ZDHHC13: variants seen among roughly 807,000 people sequenced by gnomAD.
ZDHHC13 encodes the protein zDHHC palmitoyltransferase 13.
A neutral mutation model predicts 86.0 loss-of-function variants in ZDHHC13; 85 were observed. That is an observed-to-expected ratio of 0.99 (90% CI 0.83 to 1.18). ZDHHC13 has a LOEUF of 1.18. Ranked by LOEUF, ZDHHC13 falls within the 50% of genes most tolerant of loss-of-function variation. The pLI, the probability that ZDHHC13 is intolerant of heterozygous loss-of-function variation, is 0.00. For missense variants in ZDHHC13, 711 were observed against 730.2 expected (o/e 0.97, Z 0.30); for synonymous variants, 263 against 246.4 (o/e 1.07, Z -0.63).
chr11:19,118,031 G>C (rs1404073171), intron 1 of ZDHHC13: 1 of 152,214 alleles, frequency 6.6e-6, no homozygotes. Context: ...TATTGTAGAC[G>C]TTCACTTAAT....
chr11:19,170,656 C>T (rs1850197664), intron 15 of ZDHHC13, 88 bp downstream of exon 15: 1 of 1,285,878 alleles, frequency 7.8e-7, no homozygotes, highest in African/African-American at 1.5e-5. Flanking sequence ...AGAAGATGCA[C>T]ATTCTGTTTT....
At chr11:19,175,454 T>C (rs1850338933) in intron 16 of ZDHHC13, among the ~76,000 whole-genome samples, 1 of 149,254 alleles carries the variant, frequency 6.7e-6, no homozygotes, top group Non-Finnish European at 1.5e-5. Context: ...ATTACAGTTG[T>C]TCTGGCCTAT....
In ZDHHC13 at chr11:19,143,045, A is replaced by G. The variant is rs748136141; in HGVS notation, c.95A>G (p.Asn32Ser). The part of the protein sequence containing the change: ...FGRYGICAHE[N>S]KELANAREAL... Reference sequence around the variant, plus strand: ...CGATATGGCATCTGTGCACATGAAAACAAAGAACTTGCCAATGCAAGAGAA... The same window carrying G: ...CGATATGGCATCTGTGCACATGAAAGCAAAGAACTTGCCAATGCAAGAGAA... Residue 32 changes from asparagine to serine, a missense_variant, in exon 2 of 17, where the codon AAC becomes AGC. By Grantham distance (46) the Asn-to-Ser change is conservative. Transcript: ENST00000446113. The G allele has an allele frequency of 1.2e-6, 2 of 1,613,058 alleles. No homozygotes were observed. Among genetic ancestry groups the G allele is most frequent in the Non-Finnish European group, 8.5e-7 (1 of 1,179,488 alleles).
chr11:19,151,378 T>G (rs772237827), intron 6 of ZDHHC13, among the ~76,000 whole-genome samples: 2 of 152,054 alleles, frequency 1.3e-5, no homozygotes, highest in African/African-American at 2.4e-5. Context: ...AGTTCTCACT[T>G]TAGCAGTTTG....
At chr11:19,157,998 A>G (rs936642982) in intron 9 of ZDHHC13, among the ~76,000 whole-genome samples, 1 of 152,172 alleles carries the variant, frequency 6.6e-6, no homozygotes, top group African/African-American at 2.4e-5. Context: ...TTAGTAGTTC[A>G]TTGCATTACC....
intron 14 of ZDHHC13, chr11:19,169,945 A>T (rs963338738): frequency 4.2e-5 from 42 of 991,492 alleles, no homozygotes; most frequent in Non-Finnish European, 4.9e-5. Flanking sequence ...ATGCTATTAG[A>T]TTGTATTCTG....
chr11:19,141,440 A>C (rs1849317228), intron 1 of ZDHHC13, among the ~76,000 whole-genome samples: 1 of 152,142 alleles, frequency 6.6e-6, no homozygotes. Context: ...GGGGTATTAA[A>C]GTGATTTAGT....
In ZDHHC13 at chr11:19,134,533, A is replaced by G. The variant is rs973357860; in HGVS notation, c.28-8445A>G. 3.3e-4 allele frequency among the ~76,000 whole-genome samples: 51 copies of G among 152,338 alleles called. 1 individual carries two copies. The highest frequency in any genetic ancestry group is 5.6e-4 in the Non-Finnish European group (38 of 68,038). ...CATGGAATGCTATGCAGCCATAAAA[A>G]AGAATGAGTTCATTTCTTTTGTAGG... is the stretch of plus-strand genomic sequence containing the variant. On this transcript the variant is annotated intron_variant, in intron 1 of 16. Transcript: ENST00000446113.
chr11:19,146,235 G>A lies in ZDHHC13; in HGVS notation c.228G>A (p.Arg76=). Residue 76 remains arginine, a synonymous_variant, in exon 3 of 17, where the codon AGG becomes AGA. Transcript: ENST00000446113. ...TGGTAGAAGCAGGATATGATGTCAG[G>A]CAACCAGATAAAGAAAATGTGTCGC... The part of the protein sequence containing the change: ...KELVEAGYDV[R]QPDKENVSLL... The A allele has an allele frequency of 6.2e-7, 1 of 1,612,170 alleles. No individual in the cohort carries two copies. Among genetic ancestry groups the A allele is most frequent in the Non-Finnish European group, 8.5e-7 (1 of 1,179,016 alleles).
At position 19,175,883 on chromosome 11, in the gene ZDHHC13, C is replaced by T. The variant is rs747432586; in HGVS notation, c.1792C>T (p.Pro598Ser). ...FQCGCFGLVKPCVVDWTSQYT... is the reference protein window; with the variant it reads ...FQCGCFGLVKSCVVDWTSQYT... ...GTGTGGCTGCTTTGGCTTGGTGAAG[C>T]CCTGTGTGGTAGATTGGACATCACA... is the stretch of plus-strand genomic sequence containing the variant. Residue 598 changes from proline (P) to serine (S), a missense_variant, in exon 17 of 17, where the codon CCC becomes TCC. Physicochemically the swap from Pro to Ser is moderately conservative, Grantham distance 74. Transcript: ENST00000446113. The T allele has an allele frequency of 6.2e-7, 1 of 1,613,654 alleles. No individual in the cohort carries two copies. Among genetic ancestry groups the T allele is most frequent in the Non-Finnish European group, 8.5e-7 (1 of 1,179,778 alleles).
chr11:19,139,342 C>G lies in ZDHHC13; in HGVS notation c.28-3636C>G, dbSNP rs1386981271. Reference sequence around the variant, plus strand: ...GCTTCAAAGAGAAGAAAATACCTAGCAATCCAACTTACAAGGGATGTGAAG... The same window carrying G: ...GCTTCAAAGAGAAGAAAATACCTAGGAATCCAACTTACAAGGGATGTGAAG... On this transcript the variant is annotated intron_variant, in intron 1 of 16. Coordinates refer to ENST00000446113, the MANE Select transcript of ZDHHC13 (RefSeq NM_019028.3). Among the ~76,000 whole-genome samples, 545 of 151,150 alleles carry G rather than the reference C, an allele frequency of 3.6e-3. 4 individuals are homozygous for G. The highest frequency in any genetic ancestry group is 0.012 in the African/African-American group (500 of 40,608).
chr11:19,158,664 C>T (rs1003148829), intron 9 of ZDHHC13, among the ~76,000 whole-genome samples: 3 of 151,924 alleles, frequency 2.0e-5, no homozygotes, highest in Non-Finnish European at 4.4e-5. Context: ...TATATTAAAT[C>T]GTTGTGAATT....
At chr11:19,141,571 G>A (rs1474158168) in intron 1 of ZDHHC13, among the ~76,000 whole-genome samples, 1 of 151,836 alleles carries the variant, frequency 6.6e-6, no homozygotes, top group Non-Finnish European at 1.5e-5. Flanking sequence ...CTACCCATCT[G>A]CCCTAGAAGT....
Position 19,152,243 on chromosome 11 carries a change from G to A in ZDHHC13, c.670G>A (p.Ala224Thr), listed in dbSNP as rs1590079856. The A allele has an allele frequency of 1.9e-6, 3 of 1,613,366 alleles. No homozygotes were observed. In the East Asian group the frequency reaches 6.7e-5, roughly 36 times the overall value. Residue 224 changes from alanine to threonine, a missense_variant, in exon 7 of 17, where the codon GCA becomes ACA. Transcript: ENST00000446113. ...ACACCAAAACACTCCACTTCACTGG[G>A]CAGTTGCAGCAGGAAATGTTAATGC... ...KIHQNTPLHW[A>T]VAAGNVNAVD...
intron 1 of ZDHHC13, among the ~76,000 whole-genome samples, chr11:19,121,408 C>G (rs1848756778): frequency 6.6e-6 from 1 of 152,182 alleles, no homozygotes; most frequent in African/African-American, 2.4e-5. Context: ...AACCAAGGAC[C>G]TTGTCTGTTG....
At chr11:19,155,715 A>G (rs1849738418) in intron 8 of ZDHHC13, 81 bp from the exon 9 acceptor site, 3 of 1,438,110 alleles carry the variant, frequency 2.1e-6, no homozygotes, top group Non-Finnish European at 2.8e-6. Context: ...TATACTTTGG[A>G]AGTAGTTCTT....
intron 1 of ZDHHC13, among the ~76,000 whole-genome samples, chr11:19,136,783 G>T (rs1264837333): frequency 1.3e-5 from 2 of 151,938 alleles, no homozygotes; most frequent in Admixed American, 6.5e-5. Context: ...TTAAAGAAAA[G>T]AATTTTCAAC....
At position 19,146,944 on chromosome 11, in the gene ZDHHC13, T is replaced by A. The variant is rs80125683; in HGVS notation, c.296+641T>A. On this transcript the variant is annotated intron_variant, in intron 3 of 16. Transcript: ENST00000446113. ...TGAATACTCACAGGCAAACTCCTCTTCTGTGGAAATAAACTGGCATGGTAT... is the reference window on the plus strand; with the variant it reads ...TGAATACTCACAGGCAAACTCCTCTACTGTGGAAATAAACTGGCATGGTAT... Among the ~76,000 whole-genome samples, 890 of 152,266 alleles carry A rather than the reference T, an allele frequency of 5.8e-3. 30 individuals are homozygous for A. In the East Asian group the frequency reaches 0.087, roughly 15 times the overall value.
rs201766408 is a variant in ZDHHC13, at chr11:19,158,952, G to A, written c.1020G>A (p.Gly340=). The part of the protein sequence containing the change: ...LTSLFPRFLV[G]YKNLVYLPTA... ...TTTTTTCTTTTAGGTTCTTGGTTGGGTATAAGAACCTTGTATACTTACCAA... is the reference window on the plus strand; with the variant it reads ...TTTTTTCTTTTAGGTTCTTGGTTGGATATAAGAACCTTGTATACTTACCAA... The change falls in exon 10 of 17, where the codon GGG becomes GGA. Residue 340 remains glycine (G), a synonymous_variant. Coordinates refer to ENST00000446113, the MANE Select transcript of ZDHHC13 (RefSeq NM_019028.3). 3.2e-6 allele frequency: 5 copies of A among 1,539,350 alleles called. No individual in the cohort carries two copies. The highest frequency in any genetic ancestry group is 2.5e-5 in the East Asian group (1 of 40,740).
Sources: allele counts gnomAD v4.1 joint callset (sites outside exome capture counted in the v4.1 genomes callset), GRCh38; gene constraint gnomAD v4.1.1; transcripts MANE v1.5; gene names NCBI Gene and HGNC (gene_info 2026-07-23, HGNC 2026-07-21).